ZNF366: variants seen among roughly 807,000 people sequenced by gnomAD.
ZNF366 encodes the protein dendritic cell-specific transcript protein.
Under a neutral mutation model 47.2 loss-of-function variants are expected in ZNF366, and 20 were observed. The ratio of observed to expected loss-of-function variants is 0.42; its 90% confidence interval spans 0.30 to 0.62. ZNF366 has a LOEUF of 0.62. ZNF366 is among the 20% of genes least tolerant of loss of function. The pLI is 0.16. For missense variants in ZNF366, 987 were observed against 976.3 expected (o/e 1.01, Z -0.15); for synonymous variants, 421 against 395.1 (o/e 1.07, Z -0.78).
intron 2 of ZNF366, among the ~76,000 whole-genome samples, chr5:72,456,995 A>G (rs1743202793): frequency 1.3e-5 from 2 of 152,206 alleles, no homozygotes; most frequent in African/African-American, 4.8e-5. Context: ...CCAAAATGAT[A>G]TTATCATTTC....
chr5:72,472,523 C>A, intron 1 of ZNF366: 1 of 985,152 alleles, frequency 1.0e-6, no homozygotes, highest in Non-Finnish European at 1.2e-6. Flanking sequence ...AATTTGGGGA[C>A]TTGCAAAATT....
At chr5:72,494,605 AT>A (rs57920640) in intron 1 of ZNF366, among the ~76,000 whole-genome samples, 23,299 of 137,260 alleles carry the variant, frequency 0.17, 2,119 homozygotes, top group East Asian at 0.38. Flanking sequence ...GCTGTCAGAG[AT>A]TTTTTTTTTT....
In ZNF366 at chr5:72,456,532, G is replaced by A. The variant is rs368803831; in HGVS notation, c.1396C>T (p.Arg466Ter). Residue 466 changes from arginine to a stop codon, truncating the protein, a stop_gained, in exon 3 of 5, where the codon CGA becomes TGA. Transcript: ENST00000318442. LOFTEE classifies it high-confidence loss of function. ...ATGTTGGTGTGGATCAGCACGTGTCGCTTCATGTTGGCCAGCAGGGTGAAC... is the reference window on the plus strand; with the variant it reads ...ATGTTGGTGTGGATCAGCACGTGTCACTTCATGTTGGCCAGCAGGGTGAAC... Reference protein sequence around the residue: ...REFTLLANMKRHVLIHTNIRA... With the variant: ...REFTLLANMK 6.2e-6 allele frequency: 10 copies of A among 1,612,968 alleles called. No homozygotes were observed. The highest frequency in any genetic ancestry group is 7.6e-6 in the Non-Finnish European group (9 of 1,179,186).
intron 3 of ZNF366, among the ~76,000 whole-genome samples, chr5:72,449,291 G>A (rs1743016881): frequency 6.7e-6 from 1 of 149,250 alleles, no homozygotes. Flanking sequence ...TGTTGTCAAG[G>A]CTGGAGTGCA....
At chr5:72,489,583 G>C in intron 1 of ZNF366, among the ~76,000 whole-genome samples, 1 of 152,148 alleles carries the variant, frequency 6.6e-6, no homozygotes, top group East Asian at 1.9e-4. Flanking sequence ...AAATTTCTCT[G>C]CTCCATGATT....
At chr5:72,462,420 T>G (rs1341541423) in intron 1 of ZNF366, among the ~76,000 whole-genome samples, 1 of 152,160 alleles carries the variant, frequency 6.6e-6, no homozygotes, top group Non-Finnish European at 1.5e-5. Context: ...CCAGTTACTG[T>G]GTCCTGAGAC....
At chr5:72,485,775 T>C (rs560082097) in intron 1 of ZNF366, among the ~76,000 whole-genome samples, 1 of 152,282 alleles carries the variant, frequency 6.6e-6, no homozygotes, top group East Asian at 1.9e-4. Flanking sequence ...ATGAAGTTTC[T>C]CCCTGTTACT....
Position 72,442,682 on chromosome 5 carries a change from G to T in ZNF366, c.*1074C>A, listed in dbSNP as rs1465116637. 3.0e-5 allele frequency: 4 copies of T among 131,592 alleles called. No individual in the cohort carries two copies. Among genetic ancestry groups the T allele is most frequent in the Non-Finnish European group, 6.2e-5 (4 of 64,750 alleles). 8.2% of individuals were successfully genotyped at this position (131,592 alleles called of 1,614,324 possible). ...TTTTTTTTTTTTTTTTTGAGGCAGAGTCTCACTCTGTCACCCAGGCTGTAG... is the reference window on the plus strand; with the variant it reads ...TTTTTTTTTTTTTTTTTGAGGCAGATTCTCACTCTGTCACCCAGGCTGTAG... On this transcript the variant is annotated 3_prime_UTR_variant, in exon 5 of 5. Transcript: ENST00000318442.
At chr5:72,455,132 G>A (rs1402408113) in intron 3 of ZNF366, among the ~76,000 whole-genome samples, 1 of 152,176 alleles carries the variant, frequency 6.6e-6, no homozygotes, top group Admixed American at 6.5e-5. Context: ...AAGAAAAGGA[G>A]GGGAAACAGA....
chr5:72,502,469 A>G (rs1744228525), intron 1 of ZNF366, among the ~76,000 whole-genome samples: 1 of 152,234 alleles, frequency 6.6e-6, no homozygotes, highest in South Asian at 2.1e-4. Context: ...TAAACATATA[A>G]GAAAAAAATG....
intron 2 of ZNF366, among the ~76,000 whole-genome samples, chr5:72,458,534 T>G (rs552531673): frequency 6.6e-6 from 1 of 152,152 alleles, no homozygotes; most frequent in Non-Finnish European, 1.5e-5. Flanking sequence ...TCTGATAGGA[T>G]CAGTGGAATC....
chr5:72,463,344 C>T (rs1054453079), intron 1 of ZNF366, among the ~76,000 whole-genome samples: 3 of 152,066 alleles, frequency 2.0e-5, no homozygotes, highest in Non-Finnish European at 4.4e-5. Flanking sequence ...AAAATATGTG[C>T]CTTATTATTT....
At chr5:72,474,746 T>C (rs1561198674) in intron 1 of ZNF366, among the ~76,000 whole-genome samples, 2 of 152,046 alleles carry the variant, frequency 1.3e-5, no homozygotes, top group African/African-American at 4.8e-5. Flanking sequence ...ATTAACAAAA[T>C]AGGGGGTTCC....
chr5:72,497,045 T>C (rs1744126290), intron 1 of ZNF366, among the ~76,000 whole-genome samples: 1 of 152,200 alleles, frequency 6.6e-6, no homozygotes, highest in African/African-American at 2.4e-5. Context: ...AACAAGTCCT[T>C]TATCAGATAT....
At chr5:72,473,791 G>A (rs369675504) in intron 1 of ZNF366, among the ~76,000 whole-genome samples, 18 of 152,250 alleles carry the variant, frequency 1.2e-4, no homozygotes, top group South Asian at 6.2e-4. Flanking sequence ...TTTAGGTTTA[G>A]TGCTTAACCA....
chr5:72,453,048 T>A (rs2112321083), intron 3 of ZNF366, among the ~76,000 whole-genome samples: 1 of 152,280 alleles, frequency 6.6e-6, no homozygotes, highest in South Asian at 2.1e-4. Context: ...AAACATGGAA[T>A]GGAAACCTTT....
intron 1 of ZNF366, among the ~76,000 whole-genome samples, chr5:72,468,953 T>C (rs1055036765): frequency 6.6e-6 from 1 of 152,260 alleles, no homozygotes; most frequent in African/African-American, 2.4e-5. Context: ...GGAATGTCTT[T>C]AGAATATATG....
chr5:72,491,669 T>A (rs1744012721), intron 1 of ZNF366, among the ~76,000 whole-genome samples: 1 of 152,172 alleles, frequency 6.6e-6, no homozygotes, highest in African/African-American at 2.4e-5. Context: ...ACTTAATAAA[T>A]GGCAATTATA....
At chr5:72,456,709 G>A in intron 2 of ZNF366, 114 bp from the exon 3 acceptor site, 1 of 1,081,546 alleles carries the variant, frequency 9.2e-7, no homozygotes, top group East Asian at 2.5e-5. Flanking sequence ...CTTGGTGATA[G>A]ATGTTGAGTT....
Sources: gnomAD v4.1 joint callset for allele counts (sites outside exome capture counted in the v4.1 genomes callset) on GRCh38, gnomAD v4.1.1 for gene constraint, MANE v1.5 for transcripts, NCBI Gene and HGNC (gene_info 2026-07-23, HGNC 2026-07-21) for gene names.